Variants in SAMD12 observed in about 807,000 individuals in gnomAD.
The protein encoded by SAMD12 is sterile alpha motif domain-containing protein 12.
In SAMD12, 9 loss-of-function variants were observed where a neutral mutation model predicts 15.0. That is an observed-to-expected ratio of 0.60 (90% CI 0.36 to 1.05). The LOEUF is 1.05. Among genes scored for constraint, SAMD12 ranks in the 50% least tolerant of loss-of-function variants. SAMD12 has a pLI of 0.01. For missense variants in SAMD12, 230 were observed against 234.2 expected (o/e 0.98, Z 0.12); for synonymous variants, 86 against 90.1 (o/e 0.96, Z 0.25).
At chr8:118,422,942 G>A (rs1351346367) in intron 3 of SAMD12, among the ~76,000 whole-genome samples, 1 of 152,180 alleles carries the variant, frequency 6.6e-6, no homozygotes, top group Non-Finnish European at 1.5e-5. Flanking sequence ...TTAGGTCACT[G>A]GCCTTGGGAA....
At chr8:118,353,166 T>C (rs1818044931) in intron 4 of SAMD12, among the ~76,000 whole-genome samples, 1 of 151,412 alleles carries the variant, frequency 6.6e-6, no homozygotes, top group African/African-American at 2.4e-5. Flanking sequence ...TTTTCATATG[T>C]TCACTTAATA....
At chr8:118,266,536 T>A (rs892375813) in intron 4 of SAMD12, among the ~76,000 whole-genome samples, 2 of 152,160 alleles carry the variant, frequency 1.3e-5, no homozygotes, top group East Asian at 1.9e-4. Flanking sequence ...ATATTTGCAC[T>A]CCCATGTTCA....
At chr8:118,220,054 G>A (rs1423483167) in intron 4 of SAMD12, among the ~76,000 whole-genome samples, 1 of 152,144 alleles carries the variant, frequency 6.6e-6, no homozygotes, top group East Asian at 1.9e-4. Context: ...TCTTGTTAAA[G>A]CTATGGCTTA....
At chr8:118,434,743 C>A (rs1822522477) in intron 3 of SAMD12, among the ~76,000 whole-genome samples, 1 of 152,204 alleles carries the variant, frequency 6.6e-6, no homozygotes, top group Non-Finnish European at 1.5e-5. Context: ...TTAAACCTAA[C>A]CTCATGATTT....
intron 4 of SAMD12, among the ~76,000 whole-genome samples, chr8:118,229,218 C>T (rs1237038250): frequency 6.6e-6 from 1 of 151,990 alleles, no homozygotes; most frequent in Non-Finnish European, 1.5e-5. Context: ...GCCAAAATCA[C>T]AAATCACCAC....
At chr8:118,286,207 A>T (rs537748720) in intron 4 of SAMD12, among the ~76,000 whole-genome samples, 1 of 151,574 alleles carries the variant, frequency 6.6e-6, no homozygotes, top group African/African-American at 2.4e-5. Flanking sequence ...TAGGAGATAT[A>T]CCTAACGTAA....
intron 4 of SAMD12, among the ~76,000 whole-genome samples, chr8:118,208,537 G>A (rs1819931553): frequency 6.6e-6 from 1 of 152,202 alleles, no homozygotes; most frequent in Admixed American, 6.5e-5. Flanking sequence ...ACTCCTGAAA[G>A]AAGGCCTCAC....
chr8:118,588,316 C>T (rs1827501637), intron 1 of SAMD12, among the ~76,000 whole-genome samples: 2 of 152,202 alleles, frequency 1.3e-5, no homozygotes, highest in Non-Finnish European at 2.9e-5. Flanking sequence ...GGGAGCACAA[C>T]ATCTCCTTGG....
chr8:118,541,294 C>G (rs546069226), intron 2 of SAMD12, among the ~76,000 whole-genome samples: 22 of 152,282 alleles, frequency 1.4e-4, no homozygotes, highest in African/African-American at 4.8e-4. Context: ...CTTTCTGGCT[C>G]TAAGCCTTAC....
intron 4 of SAMD12, among the ~76,000 whole-genome samples, chr8:118,241,278 C>T (rs28370843): frequency 0.023 from 3,435 of 152,164 alleles, 129 homozygotes; most frequent in African/African-American, 0.079. Context: ...AATCTGAGGG[C>T]AGGTGTAGAA....
At chr8:118,387,361 A>G (rs1225095003) in intron 3 of SAMD12, among the ~76,000 whole-genome samples, 1 of 152,188 alleles carries the variant, frequency 6.6e-6, no homozygotes, top group Non-Finnish European at 1.5e-5. Context: ...GAAATAATAC[A>G]TACATAGGAC....
chr8:118,542,610 A>G (rs1448676855), intron 2 of SAMD12, among the ~76,000 whole-genome samples: 2 of 152,228 alleles, frequency 1.3e-5, no homozygotes, highest in Admixed American at 6.5e-5. Flanking sequence ...CCAAGAAACT[A>G]GAGAACAAGG....
intron 2 of SAMD12, among the ~76,000 whole-genome samples, chr8:118,492,678 CA>C (rs1410291745): frequency 6.6e-6 from 1 of 152,078 alleles, no homozygotes; most frequent in East Asian, 1.9e-4. Flanking sequence ...AGAAGAGAAA[CA>C]TATTTCTTTC....
chr8:118,380,655 G>A (rs1819624951), intron 3 of SAMD12, among the ~76,000 whole-genome samples: 1 of 152,190 alleles, frequency 6.6e-6, no homozygotes, highest in Admixed American at 6.5e-5. Flanking sequence ...CATCACATCT[G>A]CAGATCTTTT....
At chr8:118,546,897 CA>C (rs1308631586) in intron 2 of SAMD12, among the ~76,000 whole-genome samples, 4 of 152,162 alleles carry the variant, frequency 2.6e-5, no homozygotes, top group South Asian at 2.1e-4. Flanking sequence ...CTAGCAAACA[CA>C]AAACCAAATT....
chr8:118,172,276 TG>T, the SAMD12 span, among the ~76,000 whole-genome samples: 2 of 138,438 alleles, frequency 1.4e-5, no homozygotes, highest in African/African-American at 6.9e-5. Flanking sequence ...TAAACTAAAA[TG>T]AGGGAATTGT....
intron 2 of SAMD12, among the ~76,000 whole-genome samples, chr8:118,571,168 G>A (rs926805373): frequency 5.9e-5 from 9 of 152,258 alleles, no homozygotes; most frequent in South Asian, 2.1e-4. Context: ...GGAGTGGGGC[G>A]CTACTGAAAA....
rs763610917 is a variant in SAMD12 at position 118,321,199 on chromosome 8, C to T, written c.433+58361G>A. 1.6e-3 allele frequency among the ~76,000 whole-genome samples: 194 copies of T among 122,934 alleles called. 1 individual carries two copies. In the Middle Eastern group the frequency reaches 0.016, roughly 10 times the overall value. 80.6% of individuals were successfully genotyped at this position (122,934 alleles called of 152,430 possible). A position where few individuals can be genotyped will look rare whatever the true frequency, so the allele number is the denominator to read the frequency against. ...TATATATATATATTCTTCATCAGCC[C>T]TCCTGAATTCTTTCCATGGTTCCTT... On this transcript the variant is annotated intron_variant, in intron 4 of 4. Coordinates refer to the SAMD12 transcript ENST00000409003.
chr8:118,165,783 C>T, the SAMD12 span, among the ~76,000 whole-genome samples: 1 of 151,508 alleles, frequency 6.6e-6, no homozygotes, highest in Admixed American at 6.6e-5. Context: ...AAAATGTTCT[C>T]TTCAGATCTA....
Sources: gnomAD v4.1 joint callset for allele counts (sites outside exome capture counted in the v4.1 genomes callset) on GRCh38, gnomAD v4.1.1 for gene constraint, MANE v1.5 for transcripts, NCBI Gene and HGNC (gene_info 2026-07-23, HGNC 2026-07-21) for gene names.